The following URGCP variants were observed in gnomAD, a reference collection of about 807,000 sequenced individuals.
URGCP encodes upregulator of cell proliferation.
Under a neutral mutation model 24.6 loss-of-function variants are expected in URGCP, and 13 were observed. The ratio of observed to expected loss-of-function variants is 0.53; its 90% CI spans 0.34 to 0.84. URGCP has a LOEUF of 0.84. Ranked by LOEUF, URGCP falls within the 40% of genes least tolerant of loss-of-function variation. The pLI is 0.01. For missense variants in URGCP, 899 were observed against 1,194.3 expected (o/e 0.75, Z 3.64); for synonymous variants, 444 against 487.2 (o/e 0.91, Z 1.17).
rs188044251 is a variant in URGCP at position 43,918,532 on chromosome 7, C to G, written c.-116+7600G>C. ...CTGACCTCAAGTGATCCGCCCACTT[C>G]GGCCTCCCAAAGTGCTAGGATTACA... is the stretch of plus-strand genomic sequence containing the variant. On this transcript the variant is annotated intron_variant, in intron 1 of 5. Transcript: ENST00000426198. 3.2e-4 allele frequency among the ~76,000 whole-genome samples: 49 copies of G among 152,152 alleles called. 1 individual carries two copies. In the South Asian group the frequency reaches 4.6e-3, roughly 14 times the overall value.
At chr7:43,905,792 G>T (rs1337788245) in intron 1 of URGCP, 1 of 152,092 alleles carries the variant, frequency 6.6e-6, no homozygotes, top group Non-Finnish European at 1.5e-5. Context: ...CCAAATTTCA[G>T]TACTAGTAAA....
At chr7:43,914,515 A>C (rs116696151) in intron 1 of URGCP, among the ~76,000 whole-genome samples, 2,530 of 152,228 alleles carry the variant, frequency 0.017, 62 homozygotes, top group African/African-American at 0.057. Flanking sequence ...AAAAATAAAA[A>C]ATAAGAGTTT....
rs1417537299 is a variant in URGCP at position 43,878,143 on chromosome 7, C to T, written c.1320G>A (p.Arg440=). ...CCACAGATACCCGCCTGCAGGGTGCCCGCAGCACATTCCCAACGATGGCCC... is the reference window on the plus strand; with the variant it reads ...CCACAGATACCCGCCTGCAGGGTGCTCGCAGCACATTCCCAACGATGGCCC... ...RIRAIVGNVL[R]APCRRVSVED... is the part of the protein sequence containing the mutation. The change falls in exon 6 of 6, where the codon CGG becomes CGA. Residue 440 remains arginine, a synonymous_variant. Coordinates refer to ENST00000453200, the MANE Select transcript of URGCP (RefSeq NM_001077663.3). This position sits in a 1 kb window ranked among gnomAD's most constrained non-coding sequence, Gnocchi z 5.6. 1 of 1,614,252 alleles carries T rather than the reference C, an allele frequency of 6.2e-7. No individual in the cohort carries two copies. Among genetic ancestry groups the T allele is most frequent in the Non-Finnish European group, 8.5e-7 (1 of 1,180,050 alleles).
Position 43,877,562 on chromosome 7 carries a change from C to T in URGCP, c.1901G>A (p.Gly634Glu), listed in dbSNP as rs967746488. 1 of 1,614,058 alleles carries T rather than the reference C, an allele frequency of 6.2e-7. No individual in the cohort carries two copies. Among genetic ancestry groups the T allele is most frequent in the East Asian group, 2.2e-5 (1 of 44,884 alleles). The part of the protein sequence containing the change: ...YEAESCLVEA[G>E]RLPAGQRRFA... The stretch of plus-strand genomic sequence containing the variant: ...ACGCCTCTGGCCTGCCGGCAGCCTC[C>T]CTGCCTCCACAAGACAGCTCTCAGC... Residue 634 changes from glycine (G) to glutamate (E), a missense_variant, in exon 6 of 6, where the codon GGG becomes GAG. By Grantham distance (98) the Gly-to-Glu change is moderately conservative. Transcript: ENST00000453200.
intron 1 of URGCP, among the ~76,000 whole-genome samples, chr7:43,924,706 T>C (rs2132737069): frequency 6.6e-6 from 1 of 152,230 alleles, no homozygotes; most frequent in Non-Finnish European, 1.5e-5. Flanking sequence ...GATGCTGTGG[T>C]GATGGAAACA....
intron 1 of URGCP, 125 bp downstream of exon 1, chr7:43,906,437 G>A (rs1403325260): frequency 2.1e-5 from 21 of 1,011,874 alleles, no homozygotes; most frequent in Non-Finnish European, 2.5e-5. Flanking sequence ...CTGGCGGGCG[G>A]GGGCGCCCCT....
At chr7:43,925,775 T>G (rs2095928957) in intron 1 of URGCP, among the ~76,000 whole-genome samples, 1 of 145,566 alleles carries the variant, frequency 6.9e-6, no homozygotes, top group Non-Finnish European at 1.5e-5. Flanking sequence ...GCTGGGATTA[T>G]AGGCGTGAGC....
chr7:43,911,977 A>G (rs1479219683), intron 1 of URGCP, among the ~76,000 whole-genome samples: 1 of 152,164 alleles, frequency 6.6e-6, no homozygotes, highest in Non-Finnish European at 1.5e-5. Flanking sequence ...AATGGACCAA[A>G]AGAAAAAAAA....
Position 43,877,081 on chromosome 7 carries a change from G to C in URGCP, c.2382C>G (p.Asp794Glu). 1 of 1,614,270 alleles carries C rather than the reference G, an allele frequency of 6.2e-7. No individual in the cohort carries two copies. Among genetic ancestry groups the C allele is most frequent in the Non-Finnish European group, 8.5e-7 (1 of 1,180,042 alleles). Residue 794 changes from aspartate (D) to glutamate (E), a missense_variant, in exon 6 of 6, where the codon GAC (aspartate) becomes GAG (glutamate). By Grantham distance (45) the Asp-to-Glu change is conservative (BLOSUM62 2). Transcript: ENST00000453200. ...ATGCATGCAGAATAGCTGCTGGAAT[G>C]TCCTTGGTTTCAGCTAGACTGATCA... is the stretch of plus-strand genomic sequence containing the variant. ...VTVISLAETK[D>E]IPAAILHAFL...
chr7:43,919,967 A>G (rs866428784), intron 1 of URGCP: 23 of 1,353,184 alleles, frequency 1.7e-5, no homozygotes, highest in Middle Eastern at 3.6e-4. Context: ...AGATGGACAC[A>G]ACACATCTAG....
chr7:43,912,067 G>A (rs2095910659), intron 1 of URGCP, among the ~76,000 whole-genome samples: 1 of 151,566 alleles, frequency 6.6e-6, no homozygotes, highest in South Asian at 2.1e-4. Flanking sequence ...GTTCTAAGAG[G>A]GCAATTTATA....
At chr7:43,893,637 A>G (rs2095874251) in intron 1 of URGCP, among the ~76,000 whole-genome samples, 1 of 152,236 alleles carries the variant, frequency 6.6e-6, no homozygotes, top group African/African-American at 2.4e-5. Context: ...TTGGGAGGCC[A>G]AGGTGGGAGG....
At chr7:43,912,612 C>CATT (rs60194255) in intron 1 of URGCP, among the ~76,000 whole-genome samples, 109,021 of 151,818 alleles carry the variant, frequency 0.72, 39,467 homozygotes, top group African/African-American at 0.83. Flanking sequence ...GCAAAACCAT[C>CATT]GAGATTTTGA....
chr7:43,914,890 C>T (rs896952785), intron 1 of URGCP, among the ~76,000 whole-genome samples: 1 of 152,196 alleles, frequency 6.6e-6, no homozygotes, highest in Non-Finnish European at 1.5e-5. Context: ...GCACAGGGTA[C>T]TTCCCTAAAC....
At chr7:43,913,855 C>G (rs573988712) in intron 1 of URGCP, among the ~76,000 whole-genome samples, 1 of 152,022 alleles carries the variant, frequency 6.6e-6, no homozygotes, top group African/African-American at 2.4e-5. Context: ...CACATCACCA[C>G]GCCCAGCTAA....
intron 3 of URGCP, among the ~76,000 whole-genome samples, chr7:43,886,854 A>G (rs1323683388): frequency 6.6e-6 from 1 of 152,258 alleles, no homozygotes; most frequent in Non-Finnish European, 1.5e-5. Flanking sequence ...TGTGGCCACC[A>G]TACCTTAAAG....
At chr7:43,893,311 T>G (rs2956425) in intron 1 of URGCP, among the ~76,000 whole-genome samples, 50,898 of 151,860 alleles carry the variant, frequency 0.34, 8,878 homozygotes, top group South Asian at 0.58. Flanking sequence ...GCCTAGGAGA[T>G]AGAGAATGAT....
intron 1 of URGCP, chr7:43,920,069 G>A (rs1369811584): frequency 7.8e-7 from 1 of 1,279,320 alleles, no homozygotes; most frequent in Admixed American, 1.8e-5. Context: ...AGTCCCCTAG[G>A]ACAGGGACCC....
chr7:43,891,945 C>A (rs2095871414), intron 1 of URGCP, among the ~76,000 whole-genome samples: 1 of 152,076 alleles, frequency 6.6e-6, no homozygotes, highest in Non-Finnish European at 1.5e-5. Flanking sequence ...CCATGCCCAG[C>A]TAATTTTTGT....
Sources: allele counts gnomAD v4.1 joint callset (sites outside exome capture counted in the v4.1 genomes callset), GRCh38; gene constraint gnomAD v4.1.1; non-coding constraint Gnocchi (gnomAD v3.1); transcripts MANE v1.5; gene names NCBI Gene and HGNC (gene_info 2026-07-23, HGNC 2026-07-21).